NAALADL2: variants seen among roughly 807,000 people sequenced by gnomAD.
NAALADL2 encodes inactive N-acetylated-alpha-linked acidic dipeptidase-like protein 2.
NAALADL2 carries 76 observed loss-of-function variants against 87.2 expected under a neutral mutation model. That is an observed-to-expected ratio of 0.87 (90% CI 0.72 to 1.05). NAALADL2 has a LOEUF of 1.05. Ranked by LOEUF, NAALADL2 falls within the 50% of genes least tolerant of loss-of-function variation. The pLI, the probability that NAALADL2 is intolerant of heterozygous loss-of-function variation, is 0.00. For synonymous variants in NAALADL2, 354 were observed against 331.0 expected, an observed-to-expected ratio of 1.07 and a Z score of -0.75; for missense variants, 1,089 against 945.8, an observed-to-expected ratio of 1.15 and a Z score of -1.99.
At chr3:175,532,449 G>A (rs553955621) in intron 9 of NAALADL2, among the ~76,000 whole-genome samples, 16 of 152,192 alleles carry the variant, frequency 1.1e-4, no homozygotes, top group Non-Finnish European at 1.6e-4. Context: ...GTCTGGGTCT[G>A]TAAACTGGCT....
intron 9 of NAALADL2, among the ~76,000 whole-genome samples, chr3:175,535,442 C>T (rs149952120): frequency 1.2e-4 from 18 of 152,242 alleles, no homozygotes; most frequent in African/African-American, 3.1e-4. Flanking sequence ...TTGTCTTGCT[C>T]GGTTTATTTG....
chr3:175,241,776 G>C (rs1285220970), intron 3 of NAALADL2, among the ~76,000 whole-genome samples: 1 of 151,016 alleles, frequency 6.6e-6, no homozygotes, highest in Non-Finnish European at 1.5e-5. Flanking sequence ...GGTGGTTAAA[G>C]TGCAGTGGAC....
At chr3:174,543,195 G>C (rs1006189355) in intron 1 of NAALADL2, among the ~76,000 whole-genome samples, 7 of 152,118 alleles carry the variant, frequency 4.6e-5, no homozygotes, top group Admixed American at 3.9e-4. Flanking sequence ...TTCTTGAGCT[G>C]GAAGTGCCAT....
intron 1 of NAALADL2, among the ~76,000 whole-genome samples, chr3:174,889,460 C>T (rs1730603894): frequency 1.3e-5 from 2 of 152,096 alleles, no homozygotes; most frequent in South Asian, 4.1e-4. Flanking sequence ...TCCCTGCTTC[C>T]TCTCCTGCTG....
At chr3:174,705,511 G>T (rs1218589423) in intron 2 of NAALADL2, among the ~76,000 whole-genome samples, 1 of 152,114 alleles carries the variant, frequency 6.6e-6, no homozygotes, top group Non-Finnish European at 1.5e-5. Flanking sequence ...TGGGCCGGGC[G>T]CGATGGCTCA....
chr3:174,997,817 A>C (rs566441364), intron 1 of NAALADL2, among the ~76,000 whole-genome samples: 1 of 148,394 alleles, frequency 6.7e-6, no homozygotes, highest in South Asian at 2.1e-4. Flanking sequence ...ACTCTGTCTC[A>C]AAAAAACCAA....
At chr3:175,165,463 T>G (rs1358029730) in intron 2 of NAALADL2, among the ~76,000 whole-genome samples, 2 of 151,962 alleles carry the variant, frequency 1.3e-5, no homozygotes, top group African/African-American at 4.8e-5. Context: ...ATTCTAAAAT[T>G]TAAGGCTCAA....
At chr3:175,619,479 A>AAC (rs1452223708) in intron 10 of NAALADL2, among the ~76,000 whole-genome samples, 1 of 151,334 alleles carries the variant, frequency 6.6e-6, no homozygotes, top group Admixed American at 6.6e-5. Flanking sequence ...GGGAAAAAAA[A>AAC]AAAAAACAAC....
At chr3:174,913,040 A>G (rs909664571) in intron 1 of NAALADL2, among the ~76,000 whole-genome samples, 6 of 152,188 alleles carry the variant, frequency 3.9e-5, no homozygotes, top group African/African-American at 1.4e-4. Context: ...CTTCCAAGTG[A>G]CAGTACCTCA....
intron 3 of NAALADL2, among the ~76,000 whole-genome samples, chr3:174,784,531 T>C (rs796478329): frequency 8.5e-5 from 13 of 152,326 alleles, no homozygotes; most frequent in African/African-American, 2.9e-4. Context: ...AAAAACCTTT[T>C]CTTAAGTGTA....
intron 1 of NAALADL2, among the ~76,000 whole-genome samples, chr3:175,084,852 G>A (rs893327666): frequency 3.9e-5 from 6 of 152,178 alleles, no homozygotes; most frequent in Non-Finnish European, 2.9e-5. Context: ...ATAGGCAGTT[G>A]GTAGCCATGT....
At chr3:175,731,870 G>A (rs1380607590) in intron 11 of NAALADL2, among the ~76,000 whole-genome samples, 3 of 151,864 alleles carry the variant, frequency 2.0e-5, no homozygotes, top group Non-Finnish European at 4.4e-5. Context: ...TGTAATGTGT[G>A]GTATCCAGAT....
intron 4 of NAALADL2, among the ~76,000 whole-genome samples, chr3:175,272,679 AT>A (rs1410893105): frequency 6.6e-6 from 1 of 152,138 alleles, no homozygotes; most frequent in Non-Finnish European, 1.5e-5. Context: ...TTAAATTATT[AT>A]TTTTTAATGT....
chr3:175,364,699 CAA>C (rs1765373281), intron 5 of NAALADL2, among the ~76,000 whole-genome samples: 1 of 147,306 alleles, frequency 6.8e-6, no homozygotes. Flanking sequence ...TTTTTGAAGA[CAA>C]AGAGACCCTT....
At chr3:175,337,851 T>C (rs950773331) in intron 5 of NAALADL2, among the ~76,000 whole-genome samples, 5 of 152,210 alleles carry the variant, frequency 3.3e-5, no homozygotes, top group Non-Finnish European at 7.3e-5. Context: ...ATTAGATGTT[T>C]CACTAGTCTC....
At chr3:174,653,611 G>A (rs2108760523) in intron 2 of NAALADL2, among the ~76,000 whole-genome samples, 1 of 152,190 alleles carries the variant, frequency 6.6e-6, no homozygotes, top group East Asian at 1.9e-4. Flanking sequence ...GGTAGTGCAA[G>A]GTAAGGTTTT....
intron 6 of NAALADL2, among the ~76,000 whole-genome samples, chr3:175,453,525 G>A (rs1471929060): frequency 2.0e-5 from 3 of 152,114 alleles, no homozygotes; most frequent in Non-Finnish European, 2.9e-5. Flanking sequence ...CAAGTTGGAC[G>A]TAGCCTCTCT....
intron 13 of NAALADL2, among the ~76,000 whole-genome samples, chr3:175,786,782 G>A (rs1752033156): frequency 2.0e-5 from 3 of 151,806 alleles, no homozygotes; most frequent in South Asian, 4.2e-4. Flanking sequence ...GAGGAGGAGA[G>A]GCGCTCTGCG....
chr3:174,743,908 A>T (rs1733998304), intron 3 of NAALADL2, among the ~76,000 whole-genome samples: 1 of 151,918 alleles, frequency 6.6e-6, no homozygotes, highest in Non-Finnish European at 1.5e-5. Flanking sequence ...AATTCTCAAT[A>T]TCACAGGTAG....
Sources: gnomAD v4.1 joint callset for allele counts (sites outside exome capture counted in the v4.1 genomes callset) on GRCh38, gnomAD v4.1.1 for gene constraint, MANE v1.5 for transcripts, NCBI Gene and HGNC (gene_info 2026-07-23, HGNC 2026-07-21) for gene names.